Variants in SPATA21 observed in about 807,000 individuals in gnomAD.
SPATA21 encodes spermatogenesis associated 21.
Under a neutral mutation model 54.8 loss-of-function variants are expected in SPATA21, and 47 were observed. The observed-to-expected ratio is 0.86, with a 90% CI of 0.68 to 1.09. The LOEUF is 1.09. Among genes scored for constraint, SPATA21 ranks in the 50% least tolerant of loss-of-function variants. The pLI, the probability that SPATA21 is intolerant of heterozygous loss-of-function variation, is 0.00. For missense variants in SPATA21, 599 were observed against 596.4 expected, an observed-to-expected ratio of 1.00 and a Z score of -0.05; for synonymous variants, 245 against 235.3, an observed-to-expected ratio of 1.04 and a Z score of -0.38.
chr1:16,427,493 A>T (rs77808201), intron 3 of SPATA21, among the ~76,000 whole-genome samples: 2,459 of 152,260 alleles, frequency 0.016, 78 homozygotes, highest in African/African-American at 0.057. Flanking sequence ...TTACGTGTAC[A>T]TCTTTACATG....
intron 11 of SPATA21, among the ~76,000 whole-genome samples, chr1:16,400,295 A>G (rs763661230): frequency 1.3e-4 from 20 of 152,074 alleles, no homozygotes; most frequent in Non-Finnish European, 2.4e-4. Flanking sequence ...GGGATTACAG[A>G]TGTGAGCCAC....
intron 5 of SPATA21, among the ~76,000 whole-genome samples, chr1:16,417,152 C>T (rs1256019740): frequency 1.3e-5 from 2 of 152,194 alleles, no homozygotes; most frequent in African/African-American, 4.8e-5. Context: ...ATGCTTGTCC[C>T]ACGAGGCCCA....
intron 11 of SPATA21, 87 bp from the exon 12 acceptor site, chr1:16,399,608 G>C: frequency 7.0e-7 from 1 of 1,437,842 alleles, no homozygotes; most frequent in Non-Finnish European, 9.4e-7. Context: ...TCCTGGCGTT[G>C]CTACATAATG....
Position 16,428,004 on chromosome 1 carries a change from C to T in SPATA21, c.34+3334G>A, listed in dbSNP as rs754004680. 2.0e-5 allele frequency: 31 copies of T among 1,548,736 alleles called. No homozygotes were observed. The highest frequency in any genetic ancestry group is 1.7e-4 in the Middle Eastern group (1 of 6,008). ...TCTTGCTGCCCACTTCCGAAGCATC[C>T]GGAAACATGACCTGGACAGAGATAT... On this transcript the variant is annotated intron_variant, in intron 3 of 12. Transcript: ENST00000335496. This position sits in a 1 kb window ranked among gnomAD's most constrained non-coding sequence, Gnocchi z 4.3.
chr1:16,407,811 G>A (rs542852552), intron 7 of SPATA21, among the ~76,000 whole-genome samples: 1 of 152,188 alleles, frequency 6.6e-6, no homozygotes, highest in Non-Finnish European at 1.5e-5. Context: ...TGTCGCCCAG[G>A]CTGGAGTGTA....
Position 16,427,991 on chromosome 1 carries a change from C to T in SPATA21, c.34+3347G>A, listed in dbSNP as rs1323295026. On this transcript the variant is annotated intron_variant, in intron 3 of 12. Coordinates refer to ENST00000335496, the MANE Select transcript of SPATA21 (RefSeq NM_198546.1). Reference sequence around the variant, plus strand: ...GATGAGAGGTGCTTCTTGCTGCCCACTTCCGAAGCATCCGGAAACATGACC... The same window carrying T: ...GATGAGAGGTGCTTCTTGCTGCCCATTTCCGAAGCATCCGGAAACATGACC... 1.9e-6 allele frequency: 3 copies of T among 1,549,560 alleles called. No homozygotes were observed. The East Asian group carries it at 7.4e-5, about 38-fold the overall frequency.
Position 16,414,016 on chromosome 1 carries a change from T to G in SPATA21, c.145-3973A>C, listed in dbSNP as rs571282689. Among the ~76,000 whole-genome samples, 12 of 119,610 alleles carry G rather than the reference T, an allele frequency of 1.0e-4. No individual in the cohort carries two copies. The South Asian group carries it at 3.9e-3, about 39-fold the overall frequency. The allele number at this position is 119,610 out of a possible 152,430, so 78.5% of individuals were successfully genotyped here. ...CCTTGTCAACACTTGTTATTTTCTG[T>G]TTTTTTTCTTGTTTATAGCAGTCGT... On this transcript the variant is annotated intron_variant, in intron 5 of 12. Transcript: ENST00000335496.
intron 3 of SPATA21, among the ~76,000 whole-genome samples, chr1:16,430,150 G>A (rs1042367075): frequency 8.2e-5 from 12 of 146,212 alleles, no homozygotes; most frequent in South Asian, 2.2e-4. Flanking sequence ...AGAAGATGCC[G>A]GACACGGAGG....
At chr1:16,406,965 G>T (rs1424196442) in intron 7 of SPATA21, among the ~76,000 whole-genome samples, 3 of 152,202 alleles carry the variant, frequency 2.0e-5, no homozygotes, top group Non-Finnish European at 4.4e-5. Flanking sequence ...GTGGTCCTTT[G>T]TTAAGGCAGC....
chr1:16,399,445 A>G lies in SPATA21; in HGVS notation c.1251T>C (p.Arg417=), dbSNP rs1346357078. 1.2e-6 allele frequency: 2 copies of G among 1,614,166 alleles called. No homozygotes were observed. The highest frequency in any genetic ancestry group is 1.3e-5 in the African/African-American group (1 of 75,044). ...LCPQLDKKMV[R]RQPSNHYALD... ...GTGCATAGTGGTTGCTCGGCTGCCT[A>G]CGGACCATCTTCTTGTCCAGCTGTG... The change falls in exon 12 of 13, where the codon CGT becomes CGC. Residue 417 remains arginine (R), a synonymous_variant. Coordinates refer to ENST00000335496, the MANE Select transcript of SPATA21 (RefSeq NM_198546.1).
intron 5 of SPATA21, among the ~76,000 whole-genome samples, chr1:16,418,336 A>G (rs1437995286): frequency 2.8e-4 from 43 of 151,940 alleles, no homozygotes; most frequent in Admixed American, 2.8e-3. Flanking sequence ...CAGTGGCGTG[A>G]TCTCGGCTCA....
intron 12 of SPATA21, 83 bp downstream of exon 12, chr1:16,399,261 T>C (rs761694486): frequency 8.4e-6 from 12 of 1,428,430 alleles, no homozygotes; most frequent in Non-Finnish European, 1.1e-5. Context: ...CTTAGAAAGA[T>C]GGATTCCCAG....
intron 3 of SPATA21, chr1:16,422,265 C>T (rs576944423): frequency 3.2e-5 from 43 of 1,331,280 alleles, no homozygotes; most frequent in Middle Eastern, 2.9e-4. Context: ...ATGCTCCAGG[C>T]GAACTGGAGA....
intron 5 of SPATA21, among the ~76,000 whole-genome samples, chr1:16,417,075 T>G (rs1027642047): frequency 6.6e-6 from 1 of 152,210 alleles, no homozygotes; most frequent in African/African-American, 2.4e-5. Flanking sequence ...TGAGCCTGCC[T>G]CACATCCTGG....
intron 7 of SPATA21, among the ~76,000 whole-genome samples, chr1:16,408,857 G>A (rs1367503650): frequency 1.1e-4 from 14 of 129,148 alleles, no homozygotes; most frequent in Admixed American, 4.8e-4. Context: ...GTGACAGAGC[G>A]AGACTCTGTC....
intron 5 of SPATA21, among the ~76,000 whole-genome samples, chr1:16,416,765 T>A (rs980669648): frequency 6.6e-6 from 1 of 151,700 alleles, no homozygotes; most frequent in African/African-American, 2.4e-5. Context: ...TCTGTTCCAC[T>A]CCCCTGAGCC....
intron 8 of SPATA21, among the ~76,000 whole-genome samples, chr1:16,404,429 C>T (rs1168590448): frequency 1.3e-5 from 2 of 152,124 alleles, no homozygotes; most frequent in African/African-American, 4.8e-5. Context: ...AAGATCGTGC[C>T]ACTGCCCTCC....
rs533812518 is a variant in SPATA21 at position 16,434,155 on chromosome 1, G to A, written c.-186-1231C>T. Among the ~76,000 whole-genome samples the A allele has an allele frequency of 1.4e-3, 210 of 152,190 alleles. 2 individuals carry two copies. The highest frequency in any genetic ancestry group is 4.9e-3 in the African/African-American group (202 of 41,546). On this transcript the variant is annotated intron_variant, in intron 1 of 12. Transcript: ENST00000335496. The stretch of plus-strand genomic sequence containing the variant: ...TTTCACTTAACGTCATGTTTTCAAG[G>A]TTCATCCATGTTGTAGCACACATCA...
chr1:16,418,177 C>T (rs937288858), intron 5 of SPATA21, among the ~76,000 whole-genome samples: 1 of 152,256 alleles, frequency 6.6e-6, no homozygotes, highest in African/African-American at 2.4e-5. Context: ...TCTTCTCCCC[C>T]ACAGTATCCA....
Sources: gnomAD v4.1 joint callset for allele counts (sites outside exome capture counted in the v4.1 genomes callset) on GRCh38, gnomAD v4.1.1 for gene constraint, Gnocchi (gnomAD v3.1) non-coding constraint, MANE v1.5 for transcripts, NCBI Gene and HGNC (gene_info 2026-07-23, HGNC 2026-07-21) for gene names.